The following DNAH8 variants were observed in gnomAD, a reference collection of about 807,000 sequenced individuals.
DNAH8 encodes dynein axonemal heavy chain 8.
Under a neutral mutation model 562.1 loss-of-function variants are expected in DNAH8, and 382 were observed. The observed-to-expected ratio is 0.68, with a 90% CI of 0.63 to 0.74. The LOEUF (loss-of-function observed/expected upper bound fraction) is 0.74, where lower values mean the gene tolerates loss of function less well. Ranked by LOEUF, DNAH8 falls within the 30% of genes least tolerant of loss-of-function variation. The pLI is 0.00. For synonymous variants in DNAH8, 1,881 were observed against 1,919.4 expected (o/e 0.98, Z 0.52); for missense variants, 5,203 against 5,620.4 (o/e 0.93, Z 2.37).
intron 79 of DNAH8, among the ~76,000 whole-genome samples, chr6:38,941,889 A>G (rs958362041): frequency 2.0e-5 from 3 of 152,126 alleles, no homozygotes; most frequent in African/African-American, 4.8e-5. Context: ...TCATCTGTTG[A>G]AATCTTACCC....
chr6:38,956,010 G>A (rs1287584002), intron 82 of DNAH8, among the ~76,000 whole-genome samples: 1 of 152,206 alleles, frequency 6.6e-6, no homozygotes, highest in Non-Finnish European at 1.5e-5. Context: ...AGGGTTGTAG[G>A]TGGAATCAGG....
chr6:38,749,367 T>C (rs1224006394), intron 8 of DNAH8, among the ~76,000 whole-genome samples: 1 of 151,774 alleles, frequency 6.6e-6, no homozygotes, highest in East Asian at 1.9e-4. Flanking sequence ...CACTGGAGCC[T>C]GTCAGGGGGT....
chr6:38,946,198 C>T (rs1431013204), intron 80 of DNAH8, among the ~76,000 whole-genome samples: 1 of 152,146 alleles, frequency 6.6e-6, no homozygotes, highest in Admixed American at 6.6e-5. Context: ...ATGGAGCCTG[C>T]AGTTTCCCAG....
At chr6:39,029,628 T>A (rs541279029) in intron 92 of DNAH8, among the ~76,000 whole-genome samples, 1 of 152,200 alleles carries the variant, frequency 6.6e-6, no homozygotes, top group South Asian at 2.1e-4. Flanking sequence ...GCGCTCTGAC[T>A]CTCCCGCTAG....
chr6:38,823,496 C>G, intron 27 of DNAH8, 66 bp from the exon 28 acceptor site: 2 of 1,278,824 alleles, frequency 1.6e-6, no homozygotes, highest in Non-Finnish European at 2.2e-6. Flanking sequence ...ATGCAATTTT[C>G]TAATGTAACT....
intron 9 of DNAH8, among the ~76,000 whole-genome samples, chr6:38,752,200 G>A (rs998629293): frequency 1.3e-5 from 2 of 150,244 alleles, no homozygotes; most frequent in Admixed American, 1.3e-4. Context: ...GTCTCTCTCT[G>A]TCACCCAGGC....
chr6:38,779,747 T>G (rs1768400914), intron 14 of DNAH8, among the ~76,000 whole-genome samples: 1 of 152,226 alleles, frequency 6.6e-6, no homozygotes, highest in African/African-American at 2.4e-5. Flanking sequence ...TAATTATTTT[T>G]GTTACTCTTG....
At chr6:38,885,549 A>G (rs1778854491) in intron 56 of DNAH8, among the ~76,000 whole-genome samples, 1 of 152,172 alleles carries the variant, frequency 6.6e-6, no homozygotes, top group Non-Finnish European at 1.5e-5. Flanking sequence ...TAGAATATAA[A>G]TACCAAAATC....
intron 87 of DNAH8, among the ~76,000 whole-genome samples, chr6:38,985,657 T>C (rs1437498774): frequency 6.6e-6 from 1 of 152,190 alleles, no homozygotes; most frequent in African/African-American, 2.4e-5. Flanking sequence ...CAGGTAGACA[T>C]ATCTCAGAAC....
intron 88 of DNAH8, among the ~76,000 whole-genome samples, chr6:39,007,897 C>A (rs1765894117): frequency 6.6e-6 from 1 of 151,640 alleles, no homozygotes; most frequent in African/African-American, 2.4e-5. Context: ...CTCTGGCACA[C>A]AAACACATAC....
intron 8 of DNAH8, among the ~76,000 whole-genome samples, chr6:38,745,627 G>A (rs965083924): frequency 6.6e-6 from 1 of 152,050 alleles, no homozygotes; most frequent in East Asian, 1.9e-4. Flanking sequence ...ACTTCTCCAG[G>A]TTTTCCACTT....
At position 38,775,963 on chromosome 6, in the gene DNAH8, T is replaced by C. The variant is rs775850713; in HGVS notation, c.1962+12T>C. 2 of 1,551,522 alleles carry C rather than the reference T, an allele frequency of 1.3e-6. No homozygotes were observed. The highest frequency in any genetic ancestry group is 2.3e-5 in the East Asian group (1 of 44,366). On this transcript the variant is annotated intron_variant, in intron 13 of 92. Coordinates refer to ENST00000327475, the MANE Select transcript of DNAH8 (RefSeq NM_001206927.2). ...TCAATGGTTTAGAGGTAAGTAATTA[T>C]ACCTACTTTTACTTAGTAAAGCTGA... is the stretch of plus-strand genomic sequence containing the variant.
At chr6:38,991,267 G>A (rs1032852515) in intron 88 of DNAH8, among the ~76,000 whole-genome samples, 2 of 152,138 alleles carry the variant, frequency 1.3e-5, no homozygotes, top group Non-Finnish European at 2.9e-5. Context: ...CTTCAAAGAT[G>A]CGGACATGAT....
intron 5 of DNAH8, 83 bp downstream of exon 5, chr6:38,734,708 C>T: frequency 6.9e-7 from 1 of 1,452,342 alleles, no homozygotes; most frequent in Non-Finnish European, 9.3e-7. Context: ...TTTGCTTTCC[C>T]TTTTTAAATA....
intron 30 of DNAH8, among the ~76,000 whole-genome samples, chr6:38,829,859 T>G (rs1256450621): frequency 6.6e-6 from 1 of 152,190 alleles, no homozygotes; most frequent in African/African-American, 2.4e-5. Context: ...CTCCAGAACT[T>G]GCAAAAAATC....
At chr6:38,758,718 A>T (rs904448650) in intron 10 of DNAH8, among the ~76,000 whole-genome samples, 1 of 152,116 alleles carries the variant, frequency 6.6e-6, no homozygotes, top group Non-Finnish European at 1.5e-5. Context: ...TACCTAATTT[A>T]TTGAGAGTTT....
At chr6:38,826,992 C>G (rs1424474819) in intron 29 of DNAH8, among the ~76,000 whole-genome samples, 1 of 152,152 alleles carries the variant, frequency 6.6e-6, no homozygotes, top group African/African-American at 2.4e-5. Flanking sequence ...TCTAATGGGG[C>G]TAACATCAAG....
rs534778879 is a variant in DNAH8 at position 38,722,424 on chromosome 6, C to CT, written c.-34-342dup. On this transcript the variant is annotated intron_variant, in intron 1 of 92. Transcript: ENST00000327475. The stretch of plus-strand genomic sequence containing the variant: ...TGTCCTCTAATTCAGTGGCTCTCAT[C>CT]TTTTTTTTTTAGCCCTAAGGCACCT... Among the ~76,000 whole-genome samples, 953 of 148,380 alleles carry CT rather than the reference C, an allele frequency of 6.4e-3. 4 individuals carry two copies. The highest frequency in any genetic ancestry group is 0.03 in the South Asian group (140 of 4,672).
chr6:38,987,822 C>T (rs1350183672), intron 87 of DNAH8, among the ~76,000 whole-genome samples: 1 of 152,144 alleles, frequency 6.6e-6, no homozygotes, highest in Non-Finnish European at 1.5e-5. Context: ...CTAGCTTGGA[C>T]CTGTTTCAGA....
Sources: gnomAD v4.1 joint callset for allele counts (sites outside exome capture counted in the v4.1 genomes callset) on GRCh38, gnomAD v4.1.1 for gene constraint, MANE v1.5 for transcripts, NCBI Gene and HGNC (gene_info 2026-07-23, HGNC 2026-07-21) for gene names.